Variants in COA7 observed in about 807,000 individuals in gnomAD.
The protein encoded by COA7 is cytochrome c oxidase assembly factor 7.
COA7 carries 12 observed loss-of-function variants against 21.0 expected under a neutral mutation model. The observed-to-expected ratio is 0.57, with a 90% CI of 0.37 to 0.92. The LOEUF (loss-of-function observed/expected upper bound fraction) is 0.92, where lower values mean the gene tolerates loss of function less well. Among genes scored for constraint, COA7 ranks in the 40% least tolerant of loss-of-function variants. The pLI is 0.01. For missense variants in COA7, 240 were observed against 286.1 expected, an observed-to-expected ratio of 0.84 and a Z score of 1.16; for synonymous variants, 95 against 107.4, an observed-to-expected ratio of 0.88 and a Z score of 0.72.
intron 1 of COA7, among the ~76,000 whole-genome samples, chr1:52,694,537 C>T (rs1644070752): frequency 6.6e-6 from 1 of 151,630 alleles, no homozygotes; most frequent in Non-Finnish European, 1.5e-5. Flanking sequence ...ACTTGTACCC[C>T]TTAAATTTAT....
At chr1:52,695,957 T>C (rs1644081435) in intron 1 of COA7, among the ~76,000 whole-genome samples, 1 of 152,168 alleles carries the variant, frequency 6.6e-6, no homozygotes, top group Admixed American at 6.6e-5. Context: ...CCTGACATAC[T>C]GTGGGCCAGA....
chr1:52,696,837 C>T (rs188143367), intron 1 of COA7, among the ~76,000 whole-genome samples: 12 of 150,116 alleles, frequency 8.0e-5, no homozygotes, highest in Admixed American at 2.7e-4. Flanking sequence ...AGGCTGGGCA[C>T]GGTGGCTCAC....
intron 2 of COA7, among the ~76,000 whole-genome samples, chr1:52,690,378 T>C (rs1160772515): frequency 6.6e-6 from 1 of 151,606 alleles, no homozygotes; most frequent in Non-Finnish European, 1.5e-5. Flanking sequence ...ACCATTCCAG[T>C]CATCTTTGTA....
At chr1:52,694,310 T>C (rs751416168) in intron 1 of COA7, among the ~76,000 whole-genome samples, 2 of 151,708 alleles carry the variant, frequency 1.3e-5, no homozygotes, top group Non-Finnish European at 2.9e-5. Context: ...AATACGAAAA[T>C]ATTAGCCGGG....
Position 52,698,225 on chromosome 1 carries a change from C to T in COA7, c.102G>A (p.Pro34=), listed in dbSNP as rs1301405173. The T allele has an allele frequency of 6.2e-7, 1 of 1,609,462 alleles. No individual in the cohort carries two copies. The highest frequency in any genetic ancestry group is 8.5e-7 in the Non-Finnish European group (1 of 1,177,636). Reference sequence around the variant, plus strand: ...GGCTGCGCTGGAGCCGCTCACCGTCCGGGTCCTTCTCGTGGTAGCAGTGGT... The same window carrying T: ...GGCTGCGCTGGAGCCGCTCACCGTCTGGGTCCTTCTCGTGGTAGCAGTGGT... ...CNYHCYHEKD[P]DGCYRLVDYL... Residue 34 remains proline, a synonymous_variant, in exon 1 of 3, where the codon CCG becomes CCA. Coordinates refer to ENST00000371538, the MANE Select transcript of COA7 (RefSeq NM_023077.3).
rs1284938208 is a variant in COA7 at position 52,698,224 on chromosome 1, C to T, written c.103G>A (p.Asp35Asn). The change falls in exon 1 of 3, where the codon GAC becomes AAC. Residue 35 changes from aspartate (D) to asparagine (N), a missense_variant. By Grantham distance (23) the Asp-to-Asn change is conservative. Around this residue, in one of 3 missense-constraint regions of COA7, gnomAD observed 71 missense variants for 54.7 expected, o/e 1.30. Coordinates refer to ENST00000371538, the MANE Select transcript of COA7 (RefSeq NM_023077.3). The part of the protein sequence containing the change: ...NYHCYHEKDP[D>N]GCYRLVDYLE... ...GGGCTGCGCTGGAGCCGCTCACCGT[C>T]CGGGTCCTTCTCGTGGTAGCAGTGG... 1 of 1,609,240 alleles carries T rather than the reference C, an allele frequency of 6.2e-7. No individual in the cohort carries two copies. Among genetic ancestry groups the T allele is most frequent in the Non-Finnish European group, 8.5e-7 (1 of 1,177,552 alleles).
At chr1:52,689,884 G>T (rs886580165) in intron 2 of COA7, among the ~76,000 whole-genome samples, 1 of 151,988 alleles carries the variant, frequency 6.6e-6, no homozygotes, top group African/African-American at 2.4e-5. Context: ...AAAATGAGCT[G>T]GGCATGGTGG....
At chr1:52,696,562 TG>T (rs1644084991) in intron 1 of COA7, among the ~76,000 whole-genome samples, 1 of 152,188 alleles carries the variant, frequency 6.6e-6, no homozygotes, top group South Asian at 2.1e-4. Context: ...TTATGGTCTA[TG>T]TTACGGATTA....
Position 52,685,366 on chromosome 1 carries a change from T to C in COA7, c.*2354A>G, listed in dbSNP as rs1429345894. ...CTTGCATTTTCCTGATGACATGTTA[T>C]ATGGAACATCTTTTCATATGCTTAT... On this transcript the variant is annotated 3_prime_UTR_variant, in exon 3 of 3. Coordinates refer to ENST00000371538, the MANE Select transcript of COA7 (RefSeq NM_023077.3). 3 of 152,262 alleles carry C rather than the reference T, an allele frequency of 2.0e-5. No individual in the cohort carries two copies. The highest frequency in any genetic ancestry group is 4.8e-5 in the African/African-American group (2 of 41,476). The allele number at this position is 152,262 out of a possible 1,614,324, so 9.4% of individuals were successfully genotyped here.
intron 1 of COA7, 118 bp downstream of exon 1, chr1:52,698,103 A>G: frequency 1.3e-6 from 1 of 756,034 alleles, no homozygotes; most frequent in Non-Finnish European, 2.2e-6. Flanking sequence ...CGCGATCCAC[A>G]GACCCCGTCC....
chr1:52,695,535 G>A (rs914495760), intron 1 of COA7, among the ~76,000 whole-genome samples: 3 of 151,634 alleles, frequency 2.0e-5, no homozygotes, highest in Non-Finnish European at 4.4e-5. Flanking sequence ...ACGTTACTCT[G>A]GTATATATGT....
intron 2 of COA7, among the ~76,000 whole-genome samples, chr1:52,689,371 G>C (rs1431872348): frequency 6.6e-6 from 1 of 150,728 alleles, no homozygotes; most frequent in East Asian, 2.0e-4. Flanking sequence ...GGTCAGGCTA[G>C]TCTTGAACTC....
chr1:52,692,790 A>G lies in COA7; in HGVS notation c.184T>C (p.Cys62Arg), dbSNP rs1644057033. ...CTATCACTGTGCTGGTTCTCTTCAC[A>G]GTTAAACTTCAACACCTTGGCAGCC... The part of the protein sequence containing the change: ...DEAAKVLKFN[C>R]EENQHSDSCY... Residue 62 changes from cysteine to arginine, a missense_variant, in exon 2 of 3, where the codon TGT (cysteine) becomes CGT (arginine). Physicochemically the swap from Cys to Arg is radical, Grantham distance 180 (BLOSUM62 -3). Transcript: ENST00000371538. The G allele has an allele frequency of 6.2e-7, 1 of 1,614,048 alleles. No homozygotes were observed. Among genetic ancestry groups the G allele is most frequent in the African/African-American group, 1.3e-5 (1 of 74,922 alleles).
At chr1:52,696,334 C>T (rs1311086868) in intron 1 of COA7, among the ~76,000 whole-genome samples, 3 of 152,054 alleles carry the variant, frequency 2.0e-5, no homozygotes, top group African/African-American at 7.2e-5. Context: ...CCACCACGTC[C>T]GGCTAATTTT....
intron 2 of COA7, 139 bp from the exon 3 acceptor site, chr1:52,688,307 G>A: frequency 1.5e-6 from 1 of 673,858 alleles, no homozygotes; most frequent in Admixed American, 2.9e-5. Flanking sequence ...GCACTGGCAT[G>A]ATCACGGCTC....
At chr1:52,697,060 G>C (rs1644088980) in intron 1 of COA7, among the ~76,000 whole-genome samples, 1 of 152,072 alleles carries the variant, frequency 6.6e-6, no homozygotes, top group Non-Finnish European at 1.5e-5. Flanking sequence ...AGTGAGCTGA[G>C]ATCGAGCCAT....
At position 52,685,360 on chromosome 1, in the gene COA7, A is replaced by G. The variant is rs1643993347; in HGVS notation, c.*2360T>C. The G allele has an allele frequency of 6.6e-6, 1 of 152,176 alleles. No individual in the cohort carries two copies. Among genetic ancestry groups the G allele is most frequent in the African/African-American group, 2.4e-5 (1 of 41,442 alleles). 9.4% of individuals were successfully genotyped at this position (152,176 alleles called of 1,614,324 possible). ...TTCTAACTTGCATTTTCCTGATGAC[A>G]TGTTATATGGAACATCTTTTCATAT... On this transcript the variant is annotated 3_prime_UTR_variant, in exon 3 of 3. Transcript: ENST00000371538.
In COA7 at chr1:52,686,058, G is replaced by A. The variant is rs1643999768; in HGVS notation, c.*1662C>T. On this transcript the variant is annotated 3_prime_UTR_variant, in exon 3 of 3. Transcript: ENST00000371538. ...TTTTATATTTTTAGTAGAGAAAGGG[G>A]TTTCGTCATGTTGGCCAGGCTGATC... 6.6e-6 allele frequency: 1 copy of A among 151,890 alleles called. No individual in the cohort carries two copies. Among genetic ancestry groups the A allele is most frequent in the Non-Finnish European group, 1.5e-5 (1 of 68,046 alleles). 9.4% of individuals were successfully genotyped at this position (151,890 alleles called of 1,614,324 possible). A position where few individuals can be genotyped will look rare whatever the true frequency, so the allele number is the denominator to read the frequency against.
intron 2 of COA7, among the ~76,000 whole-genome samples, chr1:52,691,194 T>C (rs1481896827): frequency 3.3e-5 from 5 of 151,780 alleles, no homozygotes; most frequent in African/African-American, 9.7e-5. Context: ...GGTGCAAGGA[T>C]TGCTTGAGGC....
Sources: gnomAD v4.1 joint callset for allele counts (sites outside exome capture counted in the v4.1 genomes callset) on GRCh38, gnomAD v4.1.1 for gene constraint, gnomAD v4.1.1 regional missense constraint, MANE v1.5 for transcripts, NCBI Gene and HGNC (gene_info 2026-07-23, HGNC 2026-07-21) for gene names.